The following IDO2 variants were observed in gnomAD, a reference collection of about 807,000 sequenced individuals.
The protein encoded by IDO2 is indoleamine 2,3-dioxygenase-like 1 protein.
Under a neutral mutation model 45.1 loss-of-function variants are expected in IDO2, and 46 were observed. The observed-to-expected ratio is 1.02, with a 90% CI of 0.80 to 1.30. The LOEUF (loss-of-function observed/expected upper bound fraction) is 1.30, where lower values mean the gene tolerates loss of function less well. IDO2 is among the 50% of genes most tolerant of loss of function. The pLI is 0.00. For synonymous variants in IDO2, 218 were observed against 184.9 expected (o/e 1.18, Z -1.45); for missense variants, 544 against 491.8 (o/e 1.11, Z -1.00).
chr8:39,998,984 A>G (rs548573553), intron 8 of IDO2, among the ~76,000 whole-genome samples: 1 of 152,074 alleles, frequency 6.6e-6, no homozygotes, highest in African/African-American at 2.4e-5. Flanking sequence ...TTCTTTAGAA[A>G]TTCCTTCAGT....
chr8:39,968,584 T>C (rs1808130997), intron 3 of IDO2, among the ~76,000 whole-genome samples: 1 of 152,038 alleles, frequency 6.6e-6, no homozygotes, highest in Non-Finnish European at 1.5e-5. Flanking sequence ...TAAAACTAAC[T>C]GGACTCTCAG....
chr8:39,982,254 GTA>G (rs1563434318), intron 4 of IDO2, among the ~76,000 whole-genome samples: 8 of 118,892 alleles, frequency 6.7e-5, no homozygotes, highest in Admixed American at 3.5e-4. Flanking sequence ...ATATATATAT[GTA>G]TATATATATT....
chr8:39,939,590 G>GA (rs1807613306), intron 1 of IDO2, among the ~76,000 whole-genome samples: 1 of 86,872 alleles, frequency 1.2e-5, no homozygotes, highest in South Asian at 3.6e-4. Context: ...AAGAAAGAAA[G>GA]AAAAAAGAAA....
chr8:39,980,121 T>A (rs1808321202), intron 4 of IDO2, among the ~76,000 whole-genome samples: 2 of 152,202 alleles, frequency 1.3e-5, no homozygotes, highest in South Asian at 4.1e-4. Context: ...ATGCCGGGCC[T>A]GAAGACAGAC....
chr8:39,987,958 G>C, exon 7 of IDO2: 1 of 1,600,358 alleles, frequency 6.2e-7, no homozygotes, highest in African/African-American at 1.3e-5. Context: ...AAGAAGCAGT[G>C]CCTGGGATAA....
chr8:39,952,020 GTT>G (rs1178840011), intron 2 of IDO2, among the ~76,000 whole-genome samples: 1 of 152,204 alleles, frequency 6.6e-6, no homozygotes, highest in Non-Finnish European at 1.5e-5. Flanking sequence ...GTTTTACTGT[GTT>G]ATGTTCATTT....
At chr8:39,936,636 C>T (rs1051586280) in intron 1 of IDO2, among the ~76,000 whole-genome samples, 7 of 152,150 alleles carry the variant, frequency 4.6e-5, no homozygotes, top group South Asian at 2.1e-4. Context: ...GCAGGATTTA[C>T]GGCAAGTACA....
chr8:39,992,121 C>T lies in IDO2; in HGVS notation c.667+2283C>T, dbSNP rs192477359. 1.9e-4 allele frequency among the ~76,000 whole-genome samples: 29 copies of T among 152,372 alleles called. No homozygotes were observed. The East Asian group carries it at 4.1e-3, about 21-fold the overall frequency. ...TGCCATCCTGCGCGCTCCTCCACAG[C>T]GTGGCCTGGGCATTCCTTTCGACCA... On this transcript the variant is annotated intron_variant, in intron 8 of 10. Coordinates refer to ENST00000502986, the Ensembl canonical transcript of IDO2.
chr8:39,987,760 T>C, intron 6 of IDO2, 111 bp from the exon 7 acceptor site: 2 of 645,780 alleles, frequency 3.1e-6, no homozygotes, highest in African/African-American at 1.8e-5. Flanking sequence ...GAGGAGAAAG[T>C]TGTGCAGTGA....
chr8:40,015,399 G>C (rs770066631), exon 11 of IDO2: 1 of 1,613,786 alleles, frequency 6.2e-7, no homozygotes, highest in African/African-American at 1.3e-5. Flanking sequence ...GCAGGCCCTG[G>C]CAGAGCTGCG....
At chr8:39,993,241 C>CT (rs34785020) in intron 8 of IDO2, among the ~76,000 whole-genome samples, 1 of 148,952 alleles carries the variant, frequency 6.7e-6, no homozygotes, top group Non-Finnish European at 1.5e-5. Flanking sequence ...TTTTTTTCTT[C>CT]TTTTTTTGGC....
chr8:39,949,715 C>T (rs1192558799), intron 2 of IDO2, among the ~76,000 whole-genome samples: 1 of 152,156 alleles, frequency 6.6e-6, no homozygotes, highest in African/African-American at 2.4e-5. Context: ...GTTTGTAATG[C>T]AGATCCCCCC....
intron 3 of IDO2, among the ~76,000 whole-genome samples, chr8:39,977,149 T>G (rs1808270529): frequency 6.6e-6 from 1 of 152,170 alleles, no homozygotes; most frequent in Non-Finnish European, 1.5e-5. Context: ...ACAAAATGTA[T>G]TCTATGAAAT....
At chr8:39,964,797 A>C (rs759157325) in intron 3 of IDO2, among the ~76,000 whole-genome samples, 17 of 152,268 alleles carry the variant, frequency 1.1e-4, no homozygotes, top group Non-Finnish European at 2.5e-4. Flanking sequence ...AAATAGAGAA[A>C]AGTTCCAATG....
At chr8:40,015,307 A>C (rs1802370866) in exon 11 of IDO2, 4 of 1,613,814 alleles carry the variant, frequency 2.5e-6, no homozygotes, top group Non-Finnish European at 3.4e-6. Context: ...TTCATAGAAG[A>C]CATCCACTCA....
intron 2 of IDO2, among the ~76,000 whole-genome samples, chr8:39,957,042 C>CAAAAAAAAAAA (rs56064306): frequency 6.4e-5 from 2 of 31,332 alleles, no homozygotes; most frequent in East Asian, 1.2e-3. Flanking sequence ...GACTCCATCT[C>CAAAAAAAAAAA]AAAAAAAAAA....
intron 3 of IDO2, among the ~76,000 whole-genome samples, chr8:39,967,058 C>T (rs1430584527): frequency 1.3e-5 from 2 of 152,140 alleles, no homozygotes; most frequent in Non-Finnish European, 2.9e-5. Flanking sequence ...ATAAACCTAA[C>T]AAATTCAGTA....
At chr8:39,998,335 T>C (rs1267649240) in intron 8 of IDO2, 1 of 152,246 alleles carries the variant, frequency 6.6e-6, no homozygotes, top group Non-Finnish European at 1.5e-5. Flanking sequence ...TTTTGAAAAA[T>C]GTATATTTGA....
At chr8:40,002,189 AG>A (rs1802148208) in intron 8 of IDO2, among the ~76,000 whole-genome samples, 1 of 152,166 alleles carries the variant, frequency 6.6e-6, no homozygotes. Context: ...ATTATCTGTA[AG>A]TAGTATGAGA....
Sources: allele counts gnomAD v4.1 joint callset (sites outside exome capture counted in the v4.1 genomes callset), GRCh38; gene constraint gnomAD v4.1.1; transcripts MANE v1.5; gene names NCBI Gene and HGNC (gene_info 2026-07-23, HGNC 2026-07-21).